Variants in COL4A2 observed in about 807,000 individuals in gnomAD.
COL4A2 encodes the protein collagen alpha-2(IV) chain.
Under a neutral mutation model 200.2 loss-of-function variants are expected in COL4A2, and 99 were observed. The ratio of observed to expected loss-of-function variants is 0.49; its 90% confidence interval spans 0.42 to 0.58. The LOEUF is 0.58. Among genes scored for constraint, COL4A2 ranks in the 20% least tolerant of loss-of-function variants. The probability of loss-of-function intolerance (pLI) is 0.00; values close to 1 mark genes in which losing one functional copy is unlikely to be tolerated. For synonymous variants in COL4A2, 897 were observed against 900.6 expected (o/e 1.00, Z 0.07); for missense variants, 1,950 against 2,314.1 (o/e 0.84, Z 3.23).
chr13:110,425,379 T>A (rs1251985089), intron 6 of COL4A2, among the ~76,000 whole-genome samples: 3 of 152,204 alleles, frequency 2.0e-5, no homozygotes, highest in Non-Finnish European at 4.4e-5. Flanking sequence ...TGCTGAGCAT[T>A]TGTGCAGCTT....
In COL4A2 at chr13:110,324,468, G is replaced by A. The variant is rs141119359; in HGVS notation, c.99+16345G>A. Reference sequence around the variant, plus strand: ...AAGGAGAGGGATCTGAGTCCACAGGGGAGGGGAGGTCTCTTCGCCTGAATG... The same window carrying A: ...AAGGAGAGGGATCTGAGTCCACAGGAGAGGGGAGGTCTCTTCGCCTGAATG... On this transcript the variant is annotated intron_variant, in intron 3 of 47. Transcript: ENST00000360467. 5.9e-5 allele frequency among the ~76,000 whole-genome samples: 9 copies of A among 152,366 alleles called. No homozygotes were observed. The East Asian group carries it at 1.3e-3, about 23-fold the overall frequency.
intron 28 of COL4A2, among the ~76,000 whole-genome samples, chr13:110,469,832 G>C (rs1350807552): frequency 6.6e-6 from 1 of 151,766 alleles, no homozygotes; most frequent in East Asian, 1.9e-4. Context: ...TGCAGACATA[G>C]GTGTCTTGCA....
intron 3 of COL4A2, among the ~76,000 whole-genome samples, chr13:110,343,582 G>A (rs1442272996): frequency 4.6e-5 from 7 of 152,208 alleles, no homozygotes; most frequent in African/African-American, 1.7e-4. Flanking sequence ...TCGCATGGGT[G>A]TGGTGTTGTC....
In COL4A2 at chr13:110,384,836, T is replaced by C. The variant is rs150276309; in HGVS notation, c.180+27284T>C. Among the ~76,000 whole-genome samples, 1,258 of 152,244 alleles carry C rather than the reference T, an allele frequency of 8.3e-3. 14 individuals carry two copies. The highest frequency in any genetic ancestry group is 0.051 in the Middle Eastern group (15 of 294). On this transcript the variant is annotated intron_variant, in intron 4 of 47. Coordinates refer to ENST00000360467, the MANE Select transcript of COL4A2 (RefSeq NM_001846.4). ...CATAGAGCAGACATGTAGCAGCACT[T>C]AGTGAGGAAGGCTGAGGCAAGCTCT...
intron 4 of COL4A2, among the ~76,000 whole-genome samples, chr13:110,423,272 T>G (rs1410950450): frequency 6.6e-6 from 1 of 152,244 alleles, no homozygotes; most frequent in Non-Finnish European, 1.5e-5. Flanking sequence ...TCCTTTCTCA[T>G]TTTTAAAACA....
At chr13:110,465,102 C>G (rs531830660) in intron 24 of COL4A2, among the ~76,000 whole-genome samples, 2 of 152,258 alleles carry the variant, frequency 1.3e-5, no homozygotes, top group Non-Finnish European at 1.5e-5. Flanking sequence ...TGTGCCTTCG[C>G]TGTTCTGGAG....
At chr13:110,314,854 A>T (rs1885090813) in intron 3 of COL4A2, among the ~76,000 whole-genome samples, 1 of 152,232 alleles carries the variant, frequency 6.6e-6, no homozygotes, top group African/African-American at 2.4e-5. Flanking sequence ...GGCAGGTGGC[A>T]GGTGGCTGGT....
intron 4 of COL4A2, among the ~76,000 whole-genome samples, chr13:110,420,736 T>C (rs1173058264): frequency 6.6e-6 from 1 of 152,234 alleles, no homozygotes; most frequent in Non-Finnish European, 1.5e-5. Flanking sequence ...GGCATGTACC[T>C]GGTCCTCCCA....
At chr13:110,330,235 T>A (rs1333786384) in intron 3 of COL4A2, among the ~76,000 whole-genome samples, 1 of 152,092 alleles carries the variant, frequency 6.6e-6, no homozygotes, top group African/African-American at 2.4e-5. Context: ...ATAAAGGAAT[T>A]TTCGGTATTA....
chr13:110,339,623 A>G (rs1876361788), intron 3 of COL4A2, among the ~76,000 whole-genome samples: 1 of 152,260 alleles, frequency 6.6e-6, no homozygotes, highest in African/African-American at 2.4e-5. Context: ...GTCTTCATTA[A>G]TAAAAGACTG....
At position 110,473,099 on chromosome 13, in the gene COL4A2, C is replaced by A; in HGVS notation, c.2374C>A (p.Gln792Lys). 2 of 1,559,366 alleles carry A rather than the reference C, an allele frequency of 1.3e-6. No homozygotes were observed. Among genetic ancestry groups the A allele is most frequent in the Non-Finnish European group, 1.7e-6 (2 of 1,152,308 alleles). ...GPRGDAGVPG[Q>K]PGLKGLPGDR... ...ACGGGGAGATGCTGGTGTGCCTGGA[C>A]AGCCTGGGCTTAAAGGCCTTCCCGG... The change falls in exon 29 of 48, where the codon CAG becomes AAG. Residue 792 changes from glutamine (Q) to lysine (K), a missense_variant. Coordinates refer to ENST00000360467, the MANE Select transcript of COL4A2 (RefSeq NM_001846.4).
rs182199934 is a variant in COL4A2 at position 110,445,291 on chromosome 13, G to A, written c.958-538G>A. Among the ~76,000 whole-genome samples the A allele has an allele frequency of 3.1e-3, 471 of 152,258 alleles. 2 individuals are homozygous for A. Among genetic ancestry groups the A allele is most frequent in the Non-Finnish European group, 5.4e-3 (370 of 68,022 alleles). On this transcript the variant is annotated intron_variant, in intron 16 of 47. Transcript: ENST00000360467. ...TCAGGTTGTCAACACCTGACCCCAC[G>A]ATCAATCATAAAAGCAACCCGACAC...
At chr13:110,342,049 C>G (rs1454599050) in intron 3 of COL4A2, among the ~76,000 whole-genome samples, 3 of 152,204 alleles carry the variant, frequency 2.0e-5, no homozygotes, top group African/African-American at 7.2e-5. Flanking sequence ...GAATGGGGAT[C>G]TTGGCCTGGA....
At chr13:110,458,963 C>G (rs892139020) in intron 22 of COL4A2, 29 bp downstream of exon 22, 1 of 1,513,906 alleles carries the variant, frequency 6.6e-7, no homozygotes, top group Non-Finnish European at 8.8e-7. Context: ...ATGAAGCTGG[C>G]AAGACACTCT....
In COL4A2 at chr13:110,511,042, C is replaced by T. The variant is rs138481488; in HGVS notation, c.4882-892C>T. ...CTGCCCAAATATATCATAGAACAGCCCCTTTTTTCCCTGCAAACTGAACTG... is the reference window on the plus strand; with the variant it reads ...CTGCCCAAATATATCATAGAACAGCTCCTTTTTTCCCTGCAAACTGAACTG... On this transcript the variant is annotated intron_variant, in intron 47 of 47. Coordinates refer to ENST00000360467, the MANE Select transcript of COL4A2 (RefSeq NM_001846.4). Among the ~76,000 whole-genome samples the T allele has an allele frequency of 2.3e-3, 343 of 152,138 alleles. 1 individual carries two copies. Among genetic ancestry groups the T allele is most frequent in the Non-Finnish European group, 4.0e-3 (275 of 67,976 alleles).
intron 34 of COL4A2, among the ~76,000 whole-genome samples, chr13:110,489,082 T>C (rs567999908): frequency 1.3e-5 from 2 of 151,990 alleles, no homozygotes; most frequent in Admixed American, 1.3e-4. Flanking sequence ...ATTTAAAAAC[T>C]ATTAGCAGCC....
chr13:110,308,029 C>T (rs1348712561), intron 2 of COL4A2, 40 bp from the exon 3 acceptor site: 1 of 1,611,520 alleles, frequency 6.2e-7, no homozygotes, highest in South Asian at 1.1e-5. Context: ...ACAAGCCGGG[C>T]CCGCACGTTC....
chr13:110,439,959 G>A (rs1354032972), intron 16 of COL4A2, 126 bp downstream of exon 16: 11 of 1,378,648 alleles, frequency 8.0e-6, no homozygotes, highest in Middle Eastern at 1.8e-4. Context: ...AATGGTTCTT[G>A]TATTTGCAGT....
intron 4 of COL4A2, among the ~76,000 whole-genome samples, chr13:110,386,268 C>T (rs1878745106): frequency 1.3e-5 from 2 of 151,644 alleles, no homozygotes; most frequent in African/African-American, 4.8e-5. Flanking sequence ...TCCCTGACTG[C>T]ACCGAGCAAC....
Sources: gnomAD v4.1 joint callset for allele counts (sites outside exome capture counted in the v4.1 genomes callset) on GRCh38, gnomAD v4.1.1 for gene constraint, MANE v1.5 for transcripts, NCBI Gene and HGNC (gene_info 2026-07-23, HGNC 2026-07-21) for gene names.